CADM2: variants seen among roughly 807,000 people sequenced by gnomAD.
CADM2 encodes the protein cell adhesion molecule 2, also known as immunoglobulin superfamily member 4D.
CADM2 carries 12 observed loss-of-function variants against 49.8 expected under a neutral mutation model. The ratio of observed to expected loss-of-function variants is 0.24; its 90% confidence interval spans 0.15 to 0.39. The LOEUF (loss-of-function observed/expected upper bound fraction) is 0.39. Among genes scored for constraint, CADM2 ranks in the 10% least tolerant of loss-of-function variants. The pLI is 1.00. For synonymous variants in CADM2, 214 were observed against 175.4 expected (o/e 1.22, Z -1.74); for missense variants, 378 against 492.3 (o/e 0.77, Z 2.20).
intron 1 of CADM2, among the ~76,000 whole-genome samples, chr3:85,050,561 T>C (rs2035844214): frequency 6.6e-6 from 1 of 152,142 alleles, no homozygotes; most frequent in Admixed American, 6.5e-5. Context: ...GGAGATAGTA[T>C]ATGCATTTTA....
chr3:85,926,062 G>A (rs967295431), intron 6 of CADM2, among the ~76,000 whole-genome samples: 9 of 151,712 alleles, frequency 5.9e-5, no homozygotes, highest in African/African-American at 1.9e-4. Context: ...GCATGAACCC[G>A]GGAGGAGGAG....
chr3:85,336,955 A>G (rs1184267349), intron 1 of CADM2, among the ~76,000 whole-genome samples: 1 of 89,888 alleles, frequency 1.1e-5, no homozygotes, highest in African/African-American at 3.6e-5. Context: ...ATATATATTT[A>G]ATATATATAT....
Position 84,962,321 on chromosome 3 carries a change from G to A in CADM2, c.61+2653G>A, listed in dbSNP as rs17022116. 2.6e-3 allele frequency among the ~76,000 whole-genome samples: 389 copies of A among 151,612 alleles called. 11 individuals carry two copies. In the East Asian group the frequency reaches 0.046, roughly 18 times the overall value. On this transcript the variant is annotated intron_variant, in intron 1 of 9. Coordinates refer to ENST00000383699, the MANE Select transcript of CADM2 (RefSeq NM_001167675.2). The stretch of plus-strand genomic sequence containing the variant: ...GAGGAGGGGGCACAAAGCACCACTG[G>A]ATTGTCTTCTCATGTTTATGGCTGC...
At chr3:85,773,926 T>A (rs953385291) in intron 2 of CADM2, among the ~76,000 whole-genome samples, 5 of 152,020 alleles carry the variant, frequency 3.3e-5, no homozygotes, top group Admixed American at 6.6e-5. Flanking sequence ...ATAGACTATT[T>A]CCTTTTCAAA....
intron 8 of CADM2, among the ~76,000 whole-genome samples, chr3:85,973,923 C>T (rs1726461755): frequency 6.6e-6 from 1 of 151,588 alleles, no homozygotes; most frequent in Non-Finnish European, 1.5e-5. Flanking sequence ...TCTTCACAAA[C>T]CAGGTAGGAA....
rs2042894555 is a variant in CADM2 at position 85,256,770 on chromosome 3, G to A, written c.61+297102G>A. ...ACACCGTCCATTCTGTAACTGTTTT[G>A]GTTGTTTTATTGCTTTTCTGATATT... On this transcript the variant is annotated intron_variant, in intron 1 of 9. Coordinates refer to ENST00000383699, the MANE Select transcript of CADM2 (RefSeq NM_001167675.2). Among the ~76,000 whole-genome samples the A allele has an allele frequency of 2.0e-5, 3 of 151,896 alleles. 1 individual carries two copies. In the South Asian group the frequency reaches 6.2e-4, roughly 31 times the overall value.
chr3:85,676,899 A>T (rs2065900991), intron 1 of CADM2, among the ~76,000 whole-genome samples: 1 of 152,158 alleles, frequency 6.6e-6, no homozygotes, highest in Admixed American at 6.6e-5. Context: ...CGTGACACTT[A>T]TATCCCATTC....
At chr3:85,157,372 G>A (rs372870351) in intron 1 of CADM2, among the ~76,000 whole-genome samples, 14,774 of 151,134 alleles carry the variant, frequency 0.098, 846 homozygotes, top group African/African-American at 0.17. Context: ...AAAAGAGCCC[G>A]CATCGCCAAG....
chr3:85,361,123 A>C (rs1204056063), intron 1 of CADM2, among the ~76,000 whole-genome samples: 1 of 152,200 alleles, frequency 6.6e-6, no homozygotes, highest in Non-Finnish European at 1.5e-5. Context: ...GGTACTACTC[A>C]AAGATAAACT....
rs534924273 is a variant in CADM2 at position 85,205,983 on chromosome 3, A to C, written c.61+246315A>C. 4.0e-4 allele frequency among the ~76,000 whole-genome samples: 61 copies of C among 152,310 alleles called. 1 individual carries two copies. The highest frequency in any genetic ancestry group is 1.4e-3 in the African/African-American group (58 of 41,584). Reference sequence around the variant, plus strand: ...AATGAACATTAAGCACTACAACAACAACAAAATACTTCATGAAGAGCCGGA... The same window carrying C: ...AATGAACATTAAGCACTACAACAACCACAAAATACTTCATGAAGAGCCGGA... On this transcript the variant is annotated intron_variant, in intron 1 of 9. Transcript: ENST00000383699.
chr3:85,707,231 A>T (rs1177542261), intron 1 of CADM2, among the ~76,000 whole-genome samples: 1 of 151,992 alleles, frequency 6.6e-6, no homozygotes, highest in Non-Finnish European at 1.5e-5. Context: ...AAATAATAGA[A>T]TTTTTTATGA....
At chr3:85,376,393 A>G (rs1053247927) in intron 1 of CADM2, among the ~76,000 whole-genome samples, 3 of 152,204 alleles carry the variant, frequency 2.0e-5, no homozygotes. Flanking sequence ...AAACTACTTG[A>G]AACATCATTT....
At chr3:85,514,276 C>T (rs1056572338) in intron 1 of CADM2, among the ~76,000 whole-genome samples, 12 of 152,052 alleles carry the variant, frequency 7.9e-5, no homozygotes, top group Non-Finnish European at 1.5e-4. Context: ...ACAGACACTA[C>T]TGTTTATTTG....
At position 85,149,387 on chromosome 3, in the gene CADM2, AT is replaced by A. The variant is rs765783526; in HGVS notation, c.61+189720del. Among the ~76,000 whole-genome samples the A allele has an allele frequency of 1.6e-3, 236 of 152,254 alleles. 2 individuals are homozygous for A. The highest frequency in any genetic ancestry group is 2.9e-3 in the Non-Finnish European group (195 of 68,010). The stretch of plus-strand genomic sequence containing the variant: ...CATTATAAATTACCCAGTCTTAGGT[AT>A]GCTTTTATAGCAGCAAAAATGGACT... On this transcript the variant is annotated intron_variant, in intron 1 of 9. Coordinates refer to ENST00000383699, the MANE Select transcript of CADM2 (RefSeq NM_001167675.2).
At chr3:85,437,670 A>G (rs2036995008) in intron 1 of CADM2, among the ~76,000 whole-genome samples, 5 of 151,994 alleles carry the variant, frequency 3.3e-5, no homozygotes, top group African/African-American at 9.7e-5. Flanking sequence ...TTTAATAAGT[A>G]TCATTATTTA....
intron 8 of CADM2, among the ~76,000 whole-genome samples, chr3:86,009,025 T>C (rs748306262): frequency 3.3e-5 from 5 of 150,720 alleles, no homozygotes; most frequent in Non-Finnish European, 7.4e-5. Flanking sequence ...CTAAATAGTA[T>C]TGACTGCATA....
chr3:85,677,470 A>G (rs1198266482), intron 1 of CADM2, among the ~76,000 whole-genome samples: 1 of 152,186 alleles, frequency 6.6e-6, no homozygotes, highest in Non-Finnish European at 1.5e-5. Flanking sequence ...AGAATCAAGT[A>G]TTTATTTGAA....
intron 2 of CADM2, among the ~76,000 whole-genome samples, chr3:85,775,065 A>G (rs981815155): frequency 6.6e-6 from 1 of 151,752 alleles, no homozygotes; most frequent in Non-Finnish European, 1.5e-5. Flanking sequence ...TAGCACTTTT[A>G]TCATGTGATT....
At chr3:85,952,244 A>G (rs570218537) in intron 7 of CADM2, among the ~76,000 whole-genome samples, 2 of 151,050 alleles carry the variant, frequency 1.3e-5, no homozygotes, top group South Asian at 4.1e-4. Flanking sequence ...AAATTTTGAA[A>G]TAATTTTTTT....
Sources: gnomAD v4.1 joint callset for allele counts (sites outside exome capture counted in the v4.1 genomes callset) on GRCh38, gnomAD v4.1.1 for gene constraint, MANE v1.5 for transcripts, NCBI Gene and HGNC (gene_info 2026-07-23, HGNC 2026-07-21) for gene names.